Variants in CNTN5 observed in about 807,000 individuals in gnomAD.
CNTN5 encodes contactin-5.
A neutral mutation model predicts 129.1 loss-of-function variants in CNTN5; 77 were observed. That is an observed-to-expected ratio of 0.60 (90% CI 0.50 to 0.72). The LOEUF is 0.72. Among genes scored for constraint, CNTN5 ranks in the 30% least tolerant of loss-of-function variants. CNTN5 has a pLI of 0.00. For synonymous variants in CNTN5, 509 were observed against 465.6 expected, an observed-to-expected ratio of 1.09 and a Z score of -1.20; for missense variants, 1,478 against 1,328.8, an observed-to-expected ratio of 1.11 and a Z score of -1.75.
chr11:99,392,537 G>T (rs981613845), intron 2 of CNTN5, among the ~76,000 whole-genome samples: 4 of 151,820 alleles, frequency 2.6e-5, no homozygotes, highest in Admixed American at 6.6e-5. Flanking sequence ...ACTACCATCT[G>T]CATTGCCAGT....
intron 3 of CNTN5, among the ~76,000 whole-genome samples, chr11:99,648,254 T>TTGCA (rs2135869837): frequency 6.6e-6 from 1 of 152,126 alleles, no homozygotes; most frequent in African/African-American, 2.4e-5. Flanking sequence ...TGAACTAGCC[T>TTGCA]TGCATTCCTG....
chr11:99,701,050 T>C lies in CNTN5; in HGVS notation c.56-118494T>C, dbSNP rs992476779. On this transcript the variant is annotated intron_variant, in intron 3 of 24. Coordinates refer to ENST00000524871, the MANE Select transcript of CNTN5 (RefSeq NM_014361.4). ...AATATCTATTTAAGGACCATCTTAT[T>C]TTCTTAAAATATGTCCATTAATTTA... Among the ~76,000 whole-genome samples, 3 of 151,346 alleles carry C rather than the reference T, an allele frequency of 2.0e-5. No homozygotes were observed. The East Asian group carries it at 5.8e-4, about 29-fold the overall frequency.
chr11:99,456,649 C>A (rs547313674), intron 2 of CNTN5, among the ~76,000 whole-genome samples: 1 of 152,138 alleles, frequency 6.6e-6, no homozygotes, highest in Non-Finnish European at 1.5e-5. Context: ...TGCTGCCTTT[C>A]CAACTATTTG....
intron 2 of CNTN5, among the ~76,000 whole-genome samples, chr11:99,393,958 A>G (rs1252272916): frequency 6.6e-6 from 1 of 151,702 alleles, no homozygotes; most frequent in Admixed American, 6.6e-5. Context: ...ATGATTAAAA[A>G]TTAAAATTAC....
At chr11:99,724,663 G>A (rs747908860) in intron 3 of CNTN5, among the ~76,000 whole-genome samples, 1 of 152,188 alleles carries the variant, frequency 6.6e-6, no homozygotes, top group Non-Finnish European at 1.5e-5. Context: ...CCTGGTTCCA[G>A]AGGACTTGAC....
At chr11:99,600,710 G>C (rs994106516) in intron 3 of CNTN5, among the ~76,000 whole-genome samples, 1 of 152,022 alleles carries the variant, frequency 6.6e-6, no homozygotes, top group South Asian at 2.1e-4. Context: ...TTTTATACAA[G>C]GTTATCCACC....
intron 13 of CNTN5, among the ~76,000 whole-genome samples, chr11:100,082,240 A>T (rs1283400035): frequency 6.6e-6 from 1 of 152,186 alleles, no homozygotes; most frequent in African/African-American, 2.4e-5. Context: ...CCATATAGGA[A>T]AAATTAAAGA....
At chr11:100,206,000 A>G (rs1339639637) in intron 15 of CNTN5, among the ~76,000 whole-genome samples, 4 of 152,110 alleles carry the variant, frequency 2.6e-5, no homozygotes, top group African/African-American at 9.7e-5. Flanking sequence ...AACAAACATT[A>G]TATGGGAGGT....
chr11:100,001,449 A>AT (rs373038987), intron 8 of CNTN5, among the ~76,000 whole-genome samples: 141 of 152,310 alleles, frequency 9.3e-4, no homozygotes, highest in African/African-American at 3.3e-3. Flanking sequence ...TTGGTGCATA[A>AT]TACTTAATAC....
At chr11:100,101,358 G>A (rs1039375026) in intron 13 of CNTN5, among the ~76,000 whole-genome samples, 1 of 152,066 alleles carries the variant, frequency 6.6e-6, no homozygotes, top group African/African-American at 2.4e-5. Context: ...GCTCAAGAAG[G>A]ATAAGATTAA....
chr11:99,285,962 C>G (rs751160076), intron 1 of CNTN5, among the ~76,000 whole-genome samples: 2 of 144,660 alleles, frequency 1.4e-5, no homozygotes, highest in Non-Finnish European at 3.0e-5. Context: ...CCCTTGAACC[C>G]AGGAGGCAGA....
At chr11:99,217,452 G>A (rs1860189130) in intron 1 of CNTN5, among the ~76,000 whole-genome samples, 1 of 152,200 alleles carries the variant, frequency 6.6e-6, no homozygotes, top group Non-Finnish European at 1.5e-5. Flanking sequence ...AGGGTGTGGA[G>A]AAAGAGGAAT....
intron 3 of CNTN5, among the ~76,000 whole-genome samples, chr11:99,760,120 C>T: frequency 6.6e-6 from 1 of 152,116 alleles, no homozygotes; most frequent in East Asian, 1.9e-4. Flanking sequence ...TTCTCCAATC[C>T]TTTTTTGATA....
intron 15 of CNTN5, among the ~76,000 whole-genome samples, chr11:100,222,377 T>C (rs1300788157): frequency 1.3e-5 from 2 of 152,170 alleles, no homozygotes; most frequent in Admixed American, 6.5e-5. Flanking sequence ...TTGGACATTT[T>C]TGTAATTTTA....
chr11:99,330,965 GAC>G (rs1162805421), intron 2 of CNTN5, among the ~76,000 whole-genome samples: 2 of 151,178 alleles, frequency 1.3e-5, no homozygotes, highest in East Asian at 1.9e-4. Context: ...CACACATTCA[GAC>G]ACACACACAC....
intron 2 of CNTN5, among the ~76,000 whole-genome samples, chr11:99,492,502 T>A (rs1301249519): frequency 6.6e-6 from 1 of 152,162 alleles, no homozygotes; most frequent in Non-Finnish European, 1.5e-5. Context: ...TCTGAAAAGA[T>A]ATACCTCAAA....
At chr11:100,329,661 A>ACAG (rs1951862693) in intron 21 of CNTN5, among the ~76,000 whole-genome samples, 1 of 152,228 alleles carries the variant, frequency 6.6e-6, no homozygotes, top group African/African-American at 2.4e-5. Context: ...CTCTTTGCAG[A>ACAG]CAGCCTCCAA....
intron 2 of CNTN5, among the ~76,000 whole-genome samples, chr11:99,365,566 C>A (rs915142854): frequency 8.5e-5 from 13 of 152,228 alleles, no homozygotes; most frequent in South Asian, 6.2e-4. Flanking sequence ...CATTTCATTT[C>A]ATTTCAAACA....
Position 100,340,562 on chromosome 11 carries a change from A to G in CNTN5, c.2830A>G (p.Thr944Ala). 2 of 1,613,476 alleles carry G rather than the reference A, an allele frequency of 1.2e-6. No homozygotes were observed. The highest frequency in any genetic ancestry group is 1.7e-6 in the Non-Finnish European group (2 of 1,179,614). Residue 944 changes from threonine to alanine, a missense_variant, in exon 22 of 25, where the codon ACG (threonine) becomes GCG (alanine). Physicochemically the swap from Thr to Ala is moderately conservative, Grantham distance 58 (BLOSUM62 0). Coordinates refer to ENST00000524871, the MANE Select transcript of CNTN5 (RefSeq NM_014361.4). Reference protein sequence around the residue: ...FVILTGLEGNTLYHFTVRAYN... With the variant: ...FVILTGLEGNALYHFTVRAYN... ...CATCCTAACAGGATTAGAAGGAAAT[A>G]CGTTATATCACTTCACAGTGAGGGC... is the stretch of plus-strand genomic sequence containing the variant.
Sources: allele counts gnomAD v4.1 joint callset (sites outside exome capture counted in the v4.1 genomes callset), GRCh38; gene constraint gnomAD v4.1.1; transcripts MANE v1.5; gene names NCBI Gene and HGNC (gene_info 2026-07-23, HGNC 2026-07-21).